The following DHX57 variants were observed in gnomAD, a reference collection of about 807,000 sequenced individuals.
DHX57 encodes DExH-box helicase 57.
A neutral mutation model predicts 156.2 loss-of-function variants in DHX57; 105 were observed. The observed-to-expected ratio is 0.67, with a 90% confidence interval of 0.57 to 0.79. DHX57 has a LOEUF of 0.79. Ranked by LOEUF, DHX57 falls within the 30% of genes least tolerant of loss-of-function variation. The probability of loss-of-function intolerance (pLI) is 0.00; values close to 1 mark genes in which losing one functional copy is unlikely to be tolerated. For missense variants in DHX57, 1,847 were observed against 1,661.9 expected (o/e 1.11, Z -1.94); for synonymous variants, 704 against 595.6 (o/e 1.18, Z -2.65).
In DHX57 at chr2:38,861,546, G is replaced by T; in HGVS notation, c.864C>A (p.Ser288=). The change falls in exon 5 of 24, where the codon TCC becomes TCA. Residue 288 remains serine (S), a synonymous_variant. Coordinates refer to ENST00000457308, the MANE Select transcript of DHX57 (RefSeq NM_198963.3). The stretch of plus-strand genomic sequence containing the variant: ...CATTTTTGGTACTTTCTTTTGGCTT[G>T]GATTTGCGGAATCTACTTGTCAGAT... ...LEYLTSRFRK[S]KPKESTKNVQ... 8.1e-6 allele frequency: 13 copies of T among 1,614,084 alleles called. No individual in the cohort carries two copies. Among genetic ancestry groups the T allele is most frequent in the Non-Finnish European group, 1.1e-5 (13 of 1,180,016 alleles).
At chr2:38,847,190 G>A in intron 10 of DHX57, 117 bp from the exon 11 acceptor site, 1 of 819,034 alleles carries the variant, frequency 1.2e-6, no homozygotes, top group Non-Finnish European at 1.9e-6. Flanking sequence ...TATTTGTTCT[G>A]TGGTCTTAAA....
chr2:38,799,065 T>C (rs1215409477), intron 23 of DHX57, among the ~76,000 whole-genome samples: 1 of 151,854 alleles, frequency 6.6e-6, no homozygotes, highest in Non-Finnish European at 1.5e-5. Flanking sequence ...AAATGGGGAA[T>C]TAAAAGTGGT....
At chr2:38,799,958 C>G (rs1370070438) in intron 23 of DHX57, among the ~76,000 whole-genome samples, 1 of 151,612 alleles carries the variant, frequency 6.6e-6, no homozygotes, top group South Asian at 2.1e-4. Flanking sequence ...GAGGCCAAGG[C>G]GGGCAGATCA....
At chr2:38,802,684 G>C in intron 23 of DHX57, 31 bp downstream of exon 23, 1 of 1,612,224 alleles carries the variant, frequency 6.2e-7, no homozygotes, top group Non-Finnish European at 8.5e-7. Flanking sequence ...CATGGCCTGA[G>C]CCTCATAAAA....
intron 13 of DHX57, among the ~76,000 whole-genome samples, chr2:38,833,684 T>C (rs1055985891): frequency 6.6e-6 from 1 of 152,200 alleles, no homozygotes; most frequent in African/African-American, 2.4e-5. Context: ...AGTGTTTAAC[T>C]ATAATAAGTG....
chr2:38,817,628 A>C (rs1459719314), intron 19 of DHX57, among the ~76,000 whole-genome samples: 3 of 151,908 alleles, frequency 2.0e-5, no homozygotes, highest in African/African-American at 7.2e-5. Context: ...ATCACTTTGG[A>C]AGGGCACCTA....
At chr2:38,813,248 A>C (rs985377155) in intron 21 of DHX57, among the ~76,000 whole-genome samples, 1 of 152,198 alleles carries the variant, frequency 6.6e-6, no homozygotes, top group African/African-American at 2.4e-5. Flanking sequence ...GCCGACTGAC[A>C]TTTATGTCTA....
chr2:38,822,276 T>C lies in DHX57; in HGVS notation c.3291+717A>G, dbSNP rs560834918. On this transcript the variant is annotated intron_variant, in intron 17 of 23. Coordinates refer to ENST00000457308, the MANE Select transcript of DHX57 (RefSeq NM_198963.3). ...TTGTATTTTTAGTAGAGACGGGGTT[T>C]CTCCATGTTGGTCAGGCTGGTCTCA... 3.9e-5 allele frequency among the ~76,000 whole-genome samples: 6 copies of C among 152,166 alleles called. No homozygotes were observed. In the South Asian group the frequency reaches 1.2e-3, roughly 32 times the overall value.
At chr2:38,840,003 G>A (rs1187363939) in intron 12 of DHX57, among the ~76,000 whole-genome samples, 1 of 152,190 alleles carries the variant, frequency 6.6e-6, no homozygotes, top group Non-Finnish European at 1.5e-5. Context: ...CTGGAGTGCA[G>A]TGGCGTGATC....
intron 2 of DHX57, among the ~76,000 whole-genome samples, chr2:38,865,221 T>C (rs1015178331): frequency 3.9e-5 from 6 of 152,204 alleles, no homozygotes; most frequent in Non-Finnish European, 5.9e-5. Flanking sequence ...TCATCTTCAA[T>C]TGAAGTTCCC....
rs750943681 is a variant in DHX57, at chr2:38,819,116, G to A, written c.3320C>T (p.Ala1107Val). 4 of 1,614,068 alleles carry A rather than the reference G, an allele frequency of 2.5e-6. No homozygotes were observed. The Admixed American group carries it at 5.0e-5, about 20-fold the overall frequency. The change falls in exon 18 of 24, where the codon GCT (alanine) becomes GTT (valine). Residue 1107 changes from alanine to valine, a missense_variant. Physicochemically the swap from Ala to Val is moderately conservative, Grantham distance 64. Coordinates refer to ENST00000457308, the MANE Select transcript of DHX57 (RefSeq NM_198963.3). ...TGCAAATTCCAGCTTTTTCTGGTTA[G>A]CTTCTTCTTTTTTATCCCAGGGAGA... ...FVSPWDKKEE[A>V]NQKKLEFAFA...
At chr2:38,838,046 G>C (rs1378410488) in intron 12 of DHX57, 99 bp from the exon 13 acceptor site, 2 of 781,498 alleles carry the variant, frequency 2.6e-6, no homozygotes, top group Non-Finnish European at 4.4e-6. Flanking sequence ...TGAATTAGGT[G>C]AGTGTTGGTT....
chr2:38,822,161 C>T (rs1451744636), intron 17 of DHX57, among the ~76,000 whole-genome samples: 1 of 152,114 alleles, frequency 6.6e-6, no homozygotes, highest in East Asian at 1.9e-4. Context: ...TGGCTCATTG[C>T]AACCTCTGCC....
rs753716655 is a variant in DHX57, at chr2:38,854,093, T to C, written c.1991A>G (p.His664Arg). ...CTCATGAACTTCATCAACAATGATA[T>C]GGGAAACTCCTTGTAGAGCTGTATC... ...EGDTALQGVS[H>R]IIVDEVHERT... Residue 664 changes from histidine (H) to arginine (R), a missense_variant, in exon 9 of 24, where the codon CAT becomes CGT. By Grantham distance (29) the His-to-Arg change is conservative. Coordinates refer to ENST00000457308, the MANE Select transcript of DHX57 (RefSeq NM_198963.3). The C allele has an allele frequency of 6.2e-6, 10 of 1,613,836 alleles. No homozygotes were observed. The Admixed American group carries it at 1.3e-4, about 22-fold the overall frequency.
intron 14 of DHX57, 109 bp from the exon 15 acceptor site, chr2:38,826,798 C>T (rs1448509261): frequency 8.4e-7 from 1 of 1,192,658 alleles, no homozygotes; most frequent in Non-Finnish European, 1.2e-6. Flanking sequence ...GTATTAGCAA[C>T]TTCTCCACAA....
chr2:38,861,104 G>T lies in DHX57; in HGVS notation c.1306C>A (p.Pro436Thr), dbSNP rs765787089. The T allele has an allele frequency of 1.2e-6, 2 of 1,614,096 alleles. No homozygotes were observed. The highest frequency in any genetic ancestry group is 8.5e-7 in the Non-Finnish European group (1 of 1,180,036). ...TNTHHKYSDPPVNFLPVPSRT... is the reference protein window; with the variant it reads ...TNTHHKYSDPTVNFLPVPSRT... ...GAGGGTACTGGCAGAAAGTTCACAG[G>T]AGGGTCACTATACTTGTGGTGGGTA... Residue 436 changes from proline to threonine, a missense_variant, in exon 5 of 24, where the codon CCT becomes ACT. Transcript: ENST00000457308.
intron 21 of DHX57, among the ~76,000 whole-genome samples, chr2:38,812,081 C>G (rs927800352): frequency 8.5e-5 from 13 of 152,122 alleles, no homozygotes; most frequent in Admixed American, 2.6e-4. Context: ...TTTAAATAAT[C>G]TTTTTATTTT....
At chr2:38,864,083 T>A (rs191619424) in intron 2 of DHX57, among the ~76,000 whole-genome samples, 5 of 152,164 alleles carry the variant, frequency 3.3e-5, no homozygotes, top group African/African-American at 1.2e-4. Flanking sequence ...CAAGAATCCT[T>A]AGGAAAAAGC....
In DHX57 at chr2:38,845,928, T is replaced by C. The variant is rs536099990; in HGVS notation, c.2219+1091A>G. On this transcript the variant is annotated intron_variant, in intron 11 of 23. Coordinates refer to ENST00000457308, the MANE Select transcript of DHX57 (RefSeq NM_198963.3). ...CCGCCCAGGCTGGAGTGCAATGGCG[T>C]GGTCTCAGCTCACTGCAACCTCTGC... 7.3e-4 allele frequency among the ~76,000 whole-genome samples: 110 copies of C among 150,956 alleles called. 1 individual carries two copies. The highest frequency in any genetic ancestry group is 2.3e-3 in the African/African-American group (95 of 41,084).
Sources: gnomAD v4.1 joint callset for allele counts (sites outside exome capture counted in the v4.1 genomes callset) on GRCh38, gnomAD v4.1.1 for gene constraint, MANE v1.5 for transcripts, NCBI Gene and HGNC (gene_info 2026-07-23, HGNC 2026-07-21) for gene names.